The following TIE1 variants were observed in gnomAD, a reference collection of about 807,000 sequenced individuals.
The protein encoded by TIE1 is tyrosine kinase with immunoglobulin like and EGF like domains 1.
In TIE1, 89 loss-of-function variants were observed where a neutral mutation model predicts 130.5. That is an observed-to-expected ratio of 0.68 (90% CI 0.57 to 0.81). TIE1 has a LOEUF of 0.81. Ranked by LOEUF, TIE1 falls within the 40% of genes least tolerant of loss-of-function variation. The pLI is 0.00. For missense variants in TIE1, 1,392 were observed against 1,559.8 expected, an observed-to-expected ratio of 0.89 and a Z score of 1.81; for synonymous variants, 568 against 629.4, an observed-to-expected ratio of 0.90 and a Z score of 1.46.
intron 1 of TIE1, among the ~76,000 whole-genome samples, chr1:43,302,858 G>T (rs996278378): frequency 3.9e-5 from 6 of 152,084 alleles, no homozygotes; most frequent in African/African-American, 1.2e-4. Context: ...GGCAGGCTGG[G>T]GGGGTGGGGA....
At position 43,316,438 on chromosome 1, in the gene TIE1, C is replaced by T. The variant is rs1646859266; in HGVS notation, c.2410-761C>T. Among the ~76,000 whole-genome samples the T allele has an allele frequency of 6.6e-6, 1 of 152,226 alleles. No homozygotes were observed. Among genetic ancestry groups the T allele is most frequent in the Non-Finnish European group, 1.5e-5 (1 of 68,032 alleles). On this transcript the variant is annotated intron_variant, in intron 14 of 22. Coordinates refer to ENST00000372476, the MANE Select transcript of TIE1 (RefSeq NM_005424.5). This position sits in a 1 kb window ranked among gnomAD's most constrained non-coding sequence, Gnocchi z 4.4. ...CTGTCTTAACCCTGCTTCCAGTTCT[C>T]ATATTGGCAGTTTCTTTGGTCCTGT... is the stretch of plus-strand genomic sequence containing the variant.
chr1:43,305,825 G>GC (rs1646723289), intron 3 of TIE1, among the ~76,000 whole-genome samples: 1 of 152,204 alleles, frequency 6.6e-6, no homozygotes, highest in Admixed American at 6.5e-5. Context: ...TCAGTCCCAG[G>GC]CCTGTCCTCC....
rs1175212059 is a variant in TIE1 at position 43,321,491 on chromosome 1, G to T, written c.3244G>T (p.Val1082Leu). 1 of 1,611,514 alleles carries T rather than the reference G, an allele frequency of 6.2e-7. No homozygotes were observed. The change falls in exon 21 of 23, where the codon GTG becomes TTG. Residue 1082 changes from valine (V) to leucine (L), a missense_variant and splice_region_variant. Around this residue, in one of 6 missense-constraint regions of TIE1, gnomAD observed 104 missense variants for 129.3 expected, o/e 0.80. Transcript: ENST00000372476. The stretch of plus-strand genomic sequence containing the variant: ...GCAGCCTCGAAACTGTGACGATGAA[G>T]TGTGAGTCACCCCATCCTTGAGCTC... ...MEQPRNCDDE[V>L]YELMRQCWRD...
chr1:43,307,766 C>A lies in TIE1; in HGVS notation c.914-30C>A. On this transcript the variant is annotated intron_variant, in intron 6 of 22. Coordinates refer to ENST00000372476, the MANE Select transcript of TIE1 (RefSeq NM_005424.5). This position sits in a 1 kb window ranked among gnomAD's most constrained non-coding sequence, Gnocchi z 5.4. ...TGCCCTCATTGCCCCCTGTCCCATGCCCCTCTAATCATACCTCCTCTATTC... is the reference window on the plus strand; with the variant it reads ...TGCCCTCATTGCCCCCTGTCCCATGACCCTCTAATCATACCTCCTCTATTC... 6.2e-7 allele frequency: 1 copy of A among 1,613,162 alleles called. No homozygotes were observed. Among genetic ancestry groups the A allele is most frequent in the East Asian group, 2.2e-5 (1 of 44,852 alleles).
At position 43,317,189 on chromosome 1, in the gene TIE1, T is replaced by G; in HGVS notation, c.2410-10T>G. ...GTGGACCGTCTGCCCTCTTGTCTCA[T>G]CCTGTGAAGGGCGAGGAGACCATCC... On this transcript the variant is annotated splice_polypyrimidine_tract_variant and intron_variant, in intron 14 of 22. Transcript: ENST00000372476. The surrounding 1 kb of genome is among the most constrained non-coding windows in gnomAD (Gnocchi z 5.1). 2 of 1,613,834 alleles carry G rather than the reference T, an allele frequency of 1.2e-6. No individual in the cohort carries two copies. The highest frequency in any genetic ancestry group is 8.5e-7 in the Non-Finnish European group (1 of 1,179,962).
rs146674619 is a variant in TIE1, at chr1:43,313,329, C to T, written c.2122C>T (p.Leu708Phe). 6.2e-7 allele frequency: 1 copy of T among 1,613,934 alleles called. No individual in the cohort carries two copies. Among genetic ancestry groups the T allele is most frequent in the African/African-American group, 1.3e-5 (1 of 74,884 alleles). The change falls in exon 13 of 23, where the codon CTC (leucine) becomes TTC (phenylalanine). Residue 708 changes from leucine (L) to phenylalanine (F), a missense_variant. Physicochemically the swap from Leu to Phe is conservative, Grantham distance 22. Around this residue, in one of 6 missense-constraint regions of TIE1, gnomAD observed 551 missense variants for 565.5 expected, o/e 0.97. Coordinates refer to ENST00000372476, the MANE Select transcript of TIE1 (RefSeq NM_005424.5). The surrounding 1 kb of genome is among the most constrained non-coding windows in gnomAD (Gnocchi z 6.2). ...GGAGACAAGCACCATCATCCGTGGC[C>T]TCAACGCCAGCACGCGCTACCTCTT... ...PEETSTIIRG[L>F]NASTRYLFRM...
Position 43,306,922 on chromosome 1 carries a change from G to C in TIE1, c.567G>C (p.Ser189=). The change falls in exon 4 of 23, where the codon TCG becomes TCC. Residue 189 remains serine, a synonymous_variant. Transcript: ENST00000372476. This position sits in a 1 kb window ranked among gnomAD's most constrained non-coding sequence, Gnocchi z 4.9. The part of the protein sequence containing the change: ...LLQLPNVQPP[S]SGIYSATYLE... ...AGCTCCCAAATGTGCAGCCACCATC[G>C]AGCGGCATCTACAGTGCCACTTACC... 1 of 1,614,038 alleles carries C rather than the reference G, an allele frequency of 6.2e-7. No homozygotes were observed. The highest frequency in any genetic ancestry group is 1.7e-5 in the Admixed American group (1 of 60,028).
rs191418682 is a variant in TIE1, at chr1:43,302,193, G to A, written c.58+1064G>A. Among the ~76,000 whole-genome samples the A allele has an allele frequency of 4.6e-5, 7 of 152,352 alleles. No homozygotes were observed. In the East Asian group the frequency reaches 1.3e-3, roughly 29 times the overall value. On this transcript the variant is annotated intron_variant, in intron 1 of 22. Coordinates refer to ENST00000372476, the MANE Select transcript of TIE1 (RefSeq NM_005424.5). ...CAATATTCCAGGAGTTGTGCTAAGTGCTGGGCCATTAGTTGAGAGGCTGGC... is the reference window on the plus strand; with the variant it reads ...CAATATTCCAGGAGTTGTGCTAAGTACTGGGCCATTAGTTGAGAGGCTGGC...
At chr1:43,302,754 G>C (rs895362930) in intron 1 of TIE1, among the ~76,000 whole-genome samples, 1 of 152,088 alleles carries the variant, frequency 6.6e-6, no homozygotes, top group East Asian at 1.9e-4. Flanking sequence ...ACAAGGTCAG[G>C]TTTGGTCTTA....
Position 43,313,054 on chromosome 1 carries a change from C to G in TIE1, c.1928-81C>G, listed in dbSNP as rs998131808. ...GCTTGGACCCACAGAGGAGGGAGCA[C>G]AGCTAGAGCAGATGTGTCCAGCCCC... On this transcript the variant is annotated intron_variant, in intron 12 of 22. Transcript: ENST00000372476. This position sits in a 1 kb window ranked among gnomAD's most constrained non-coding sequence, Gnocchi z 6.2. 74 of 1,485,566 alleles carry G rather than the reference C, an allele frequency of 5.0e-5. 1 individual carries two copies. The highest frequency in any genetic ancestry group is 1.0e-4 in the Admixed American group (5 of 47,828). The allele number at this position is 1,485,566 out of a possible 1,614,324, so 92.0% of individuals were successfully genotyped here.
rs181669438 is a variant in TIE1 at position 43,316,822 on chromosome 1, C to T, written c.2410-377C>T. Reference sequence around the variant, plus strand: ...TAGCACAGTCATAGGAAGCTCATTCCGATCCTTTTCTGTTTTAAATGTTAG... The same window carrying T: ...TAGCACAGTCATAGGAAGCTCATTCTGATCCTTTTCTGTTTTAAATGTTAG... On this transcript the variant is annotated intron_variant, in intron 14 of 22. Coordinates refer to ENST00000372476, the MANE Select transcript of TIE1 (RefSeq NM_005424.5). The surrounding 1 kb of genome is among the most constrained non-coding windows in gnomAD (Gnocchi z 4.4). Among the ~76,000 whole-genome samples the T allele has an allele frequency of 2.7e-3, 416 of 152,286 alleles. 1 individual carries two copies. Among genetic ancestry groups the T allele is most frequent in the Non-Finnish European group, 3.0e-3 (201 of 68,020 alleles).
In TIE1 at chr1:43,309,579, G is replaced by T; in HGVS notation, c.1333+47G>T. 1 of 1,528,456 alleles carries T rather than the reference G, an allele frequency of 6.5e-7. No individual in the cohort carries two copies. The highest frequency in any genetic ancestry group is 2.2e-5 in the Admixed American group (1 of 46,212). 94.7% of individuals were successfully genotyped at this position (1,528,456 alleles called of 1,614,324 possible). On this transcript the variant is annotated intron_variant, in intron 9 of 22. Transcript: ENST00000372476. This position sits in a 1 kb window ranked among gnomAD's most constrained non-coding sequence, Gnocchi z 6.3. ...CAGGGAATGGACGGTGAGCAGAGTA[G>T]GCTCTAGATGATGCTGCTCAGGCTG...
chr1:43,307,403 C>T lies in TIE1; in HGVS notation c.773-29C>T, dbSNP rs375455473. The T allele has an allele frequency of 3.6e-5, 58 of 1,613,450 alleles. No homozygotes were observed. The highest frequency in any genetic ancestry group is 4.2e-5 in the Non-Finnish European group (50 of 1,179,790). On this transcript the variant is annotated intron_variant, in intron 5 of 22. Coordinates refer to ENST00000372476, the MANE Select transcript of TIE1 (RefSeq NM_005424.5). This position sits in a 1 kb window ranked among gnomAD's most constrained non-coding sequence, Gnocchi z 5.4. ...TCCTGGGCCCAGGGGCCCACAGAGG[C>T]CCATACACCCCACACACTCTCTTTC...
At position 43,318,185 on chromosome 1, in the gene TIE1, G is replaced by T; in HGVS notation, c.2922+113G>T. ...CTGGGGATTGAGGTTCCTGGCCCAA[G>T]TGTGTGGGTGGGTGCAAGCACAGCG... is the stretch of plus-strand genomic sequence containing the variant. On this transcript the variant is annotated intron_variant, in intron 17 of 22. Transcript: ENST00000372476. This position sits in a 1 kb window ranked among gnomAD's most constrained non-coding sequence, Gnocchi z 4.4. The T allele has an allele frequency of 7.5e-7, 1 of 1,337,496 alleles. No individual in the cohort carries two copies. The highest frequency in any genetic ancestry group is 1.0e-6 in the Non-Finnish European group (1 of 1,000,584). 82.9% of individuals were successfully genotyped at this position (1,337,496 alleles called of 1,614,324 possible). A position where few individuals can be genotyped will look rare whatever the true frequency, so the allele number is the denominator to read the frequency against.
chr1:43,320,002 C>G, intron 19 of TIE1: 1 of 210,710 alleles, frequency 4.7e-6, no homozygotes, highest in African/African-American at 2.3e-5. Context: ...CCATCTTGAT[C>G]TGAACCTACC....
intron 3 of TIE1, 146 bp downstream of exon 3, chr1:43,305,489 G>A (rs1646720179): frequency 1.4e-6 from 1 of 719,602 alleles, no homozygotes; most frequent in Non-Finnish European, 2.3e-6. Context: ...AGGTCCCATG[G>A]GATGTGCCTG....
intron 1 of TIE1, among the ~76,000 whole-genome samples, chr1:43,304,070 G>A (rs935493665): frequency 1.5e-5 from 2 of 137,146 alleles, no homozygotes; most frequent in African/African-American, 4.9e-5. Flanking sequence ...CCTGGCTCTG[G>A]GCCCAGCCCC....
Position 43,316,157 on chromosome 1 carries a change from G to A in TIE1, c.2410-1042G>A, listed in dbSNP as rs1646856462. 6.6e-6 allele frequency among the ~76,000 whole-genome samples: 1 copy of A among 152,216 alleles called. No individual in the cohort carries two copies. Among genetic ancestry groups the A allele is most frequent in the South Asian group, 2.1e-4 (1 of 4,830 alleles). On this transcript the variant is annotated intron_variant, in intron 14 of 22. Coordinates refer to ENST00000372476, the MANE Select transcript of TIE1 (RefSeq NM_005424.5). This position sits in a 1 kb window ranked among gnomAD's most constrained non-coding sequence, Gnocchi z 4.4. Reference sequence around the variant, plus strand: ...GTGCTCCATGTATGAGTGCACACGTGCATCCCCTGTGAGTGCCACATGTTT... The same window carrying A: ...GTGCTCCATGTATGAGTGCACACGTACATCCCCTGTGAGTGCCACATGTTT...
At chr1:43,311,582 A>T (rs980544618) in intron 9 of TIE1, 89 bp from the exon 10 acceptor site, 2 of 1,509,820 alleles carry the variant, frequency 1.3e-6, no homozygotes, top group African/African-American at 2.8e-5. Flanking sequence ...GGTGTCCCTC[A>T]AGCCCAGAGG....
Sources: gnomAD v4.1 joint callset for allele counts (sites outside exome capture counted in the v4.1 genomes callset) on GRCh38, gnomAD v4.1.1 for gene constraint, gnomAD v4.1.1 regional missense constraint, Gnocchi (gnomAD v3.1) non-coding constraint, MANE v1.5 for transcripts, NCBI Gene and HGNC (gene_info 2026-07-23, HGNC 2026-07-21) for gene names.